Variants in ITIH1 observed in about 807,000 individuals in gnomAD.
ITIH1 encodes the protein inter-alpha-trypsin inhibitor heavy chain H1.
Under a neutral mutation model 104.6 loss-of-function variants are expected in ITIH1, and 94 were observed. The ratio of observed to expected loss-of-function variants is 0.90; its 90% confidence interval spans 0.76 to 1.07. The LOEUF (loss-of-function observed/expected upper bound fraction) is 1.07. Ranked by LOEUF, ITIH1 falls within the 50% of genes least tolerant of loss-of-function variation. The pLI is 0.00. For missense variants in ITIH1, 1,193 were observed against 1,181.4 expected, an observed-to-expected ratio of 1.01 and a Z score of -0.14; for synonymous variants, 455 against 464.4, an observed-to-expected ratio of 0.98 and a Z score of 0.26.
intron 20 of ITIH1, 39 bp from the exon 21 acceptor site, chr3:52,791,478 C>T: frequency 6.5e-7 from 1 of 1,545,266 alleles, no homozygotes; most frequent in Non-Finnish European, 8.9e-7. Context: ...GGAGCAAGTC[C>T]CCGAGATGGT....
Position 52,790,925 on chromosome 3 carries a change from C to G in ITIH1, c.2494+4C>G. 1.3e-6 allele frequency: 2 copies of G among 1,592,724 alleles called. No individual in the cohort carries two copies. The highest frequency in any genetic ancestry group is 1.7e-6 in the Non-Finnish European group (2 of 1,172,054). On this transcript the variant is annotated splice_donor_region_variant and intron_variant, in intron 20 of 21. Transcript: ENST00000273283. ...GCCCGGACGCACGGGCTGCTGGGTACGGCTGGCCAGGCTGGCAGGGCTGTG... is the reference window on the plus strand; with the variant it reads ...GCCCGGACGCACGGGCTGCTGGGTAGGGCTGGCCAGGCTGGCAGGGCTGTG...
In ITIH1 at chr3:52,779,755, G is replaced by A; in HGVS notation, c.573+161G>A. On this transcript the variant is annotated intron_variant, in intron 5 of 21. Coordinates refer to ENST00000273283, the MANE Select transcript of ITIH1 (RefSeq NM_002215.4). The surrounding 1 kb of genome is among the most constrained non-coding windows in gnomAD (Gnocchi z 4.4). ...CTCTGATGTGCTCTTCTTGGGCAGG[G>A]AACTCCCTGAATTCTCTAACTTCCT... is the stretch of plus-strand genomic sequence containing the variant. 1.9e-6 allele frequency: 2 copies of A among 1,033,560 alleles called. No individual in the cohort carries two copies. The highest frequency in any genetic ancestry group is 1.5e-5 in the South Asian group (1 of 67,350). 64.0% of individuals were successfully genotyped at this position (1,033,560 alleles called of 1,614,324 possible).
intron 6 of ITIH1, among the ~76,000 whole-genome samples, chr3:52,781,287 C>CTTCT (rs1699050619): frequency 1.4e-5 from 1 of 71,014 alleles, no homozygotes; most frequent in Non-Finnish European, 2.7e-5. Context: ...CTTCTTCTTC[C>CTTCT]TCTTCTTCTT....
At chr3:52,787,524 C>T in intron 15 of ITIH1, 68 bp from the exon 16 acceptor site, 1 of 1,583,058 alleles carries the variant, frequency 6.3e-7, no homozygotes, top group Non-Finnish European at 8.7e-7. Flanking sequence ...GTGGACAGAG[C>T]TGCATGCCTT....
At chr3:52,782,891 T>C in intron 8 of ITIH1, 66 bp from the exon 9 acceptor site, 3 of 1,488,860 alleles carry the variant, frequency 2.0e-6, no homozygotes, top group Non-Finnish European at 2.8e-6. Context: ...GTATTTGGAG[T>C]TGGAAGGTGC....
Position 52,782,829 on chromosome 3 carries a change from C to A in ITIH1, c.931-128C>A, listed in dbSNP as rs1418894899. On this transcript the variant is annotated intron_variant, in intron 8 of 21. Coordinates refer to ENST00000273283, the MANE Select transcript of ITIH1 (RefSeq NM_002215.4). ...GCAGGATGCTCCTGTCTCGGGGCCA[C>A]CTGGTTGTCCTATCTCCTCCTGCTT... is the stretch of plus-strand genomic sequence containing the variant. 3 of 916,866 alleles carry A rather than the reference C, an allele frequency of 3.3e-6. No individual in the cohort carries two copies. The African/African-American group carries it at 5.0e-5, about 15-fold the overall frequency. 56.8% of individuals were successfully genotyped at this position (916,866 alleles called of 1,614,324 possible). A position where few individuals can be genotyped will look rare whatever the true frequency, so the allele number is the denominator to read the frequency against.
intron 10 of ITIH1, among the ~76,000 whole-genome samples, chr3:52,783,633 T>C (rs1290642733): frequency 6.6e-6 from 1 of 152,204 alleles, no homozygotes; most frequent in Non-Finnish European, 1.5e-5. Flanking sequence ...TAATGAACTA[T>C]TTATTTATCA....
intron 19 of ITIH1, chr3:52,790,396 A>T (rs1699322805): frequency 3.4e-6 from 1 of 297,518 alleles, no homozygotes; most frequent in Admixed American, 5.1e-5. Flanking sequence ...GAGTCACAGA[A>T]CACGGACTCT....
rs1339554609 is a variant in ITIH1, at chr3:52,782,250, G to T, written c.913G>T (p.Gly305Cys). 1 of 1,613,962 alleles carries T rather than the reference G, an allele frequency of 6.2e-7. No individual in the cohort carries two copies. The highest frequency in any genetic ancestry group is 8.5e-7 in the Non-Finnish European group (1 of 1,179,818). ...FVIDISGSMR[G>C]QKVKQTKEAL... is the part of the protein sequence containing the mutation. ...GATTGACATCAGTGGCTCCATGAGAGGCCAGAAAGTGAAGCAGGTAGGCTG... is the reference window on the plus strand; with the variant it reads ...GATTGACATCAGTGGCTCCATGAGATGCCAGAAAGTGAAGCAGGTAGGCTG... Residue 305 changes from glycine (G) to cysteine (C), a missense_variant, in exon 8 of 22, where the codon GGC (glycine) becomes TGC (cysteine). By Grantham distance (159) the Gly-to-Cys change is radical. Coordinates refer to ENST00000273283, the MANE Select transcript of ITIH1 (RefSeq NM_002215.4).
intron 20 of ITIH1, 121 bp downstream of exon 20, chr3:52,791,042 G>T: frequency 9.8e-7 from 1 of 1,020,518 alleles, no homozygotes; most frequent in South Asian, 1.7e-5. Context: ...CTCCAGTGTG[G>T]CCTCCAAGGA....
chr3:52,782,142 C>G lies in ITIH1; in HGVS notation c.814-9C>G. On this transcript the variant is annotated splice_polypyrimidine_tract_variant and intron_variant, in intron 7 of 21. Transcript: ENST00000273283. ...TGAGAGTGGCCTCACTCGTTCTCCT[C>G]TATTTCAGGTGGCCAATAACCACTT... The G allele has an allele frequency of 6.2e-7, 1 of 1,614,136 alleles. No individual in the cohort carries two copies. The highest frequency in any genetic ancestry group is 1.1e-5 in the South Asian group (1 of 91,076).
rs771037689 is a variant in ITIH1 at position 52,782,136 on chromosome 3, T to TCTC, written c.814-11_814-9dup. 9.9e-6 allele frequency: 16 copies of TCTC among 1,613,998 alleles called. No homozygotes were observed. The highest frequency in any genetic ancestry group is 1.2e-5 in the Non-Finnish European group (14 of 1,179,990). On this transcript the variant is annotated splice_polypyrimidine_tract_variant and intron_variant, in intron 7 of 21. Coordinates refer to ENST00000273283, the MANE Select transcript of ITIH1 (RefSeq NM_002215.4). ...GTGCTGTGAGAGTGGCCTCACTCGTTCTCCTCTATTTCAGGTGGCCAATAA... is the reference window on the plus strand; with the variant it reads ...GTGCTGTGAGAGTGGCCTCACTCGTTCTCCTCCTCTATTTCAGGTGGCCAATAA...
In ITIH1 at chr3:52,790,970, G is replaced by A; in HGVS notation, c.2494+49G>A. On this transcript the variant is annotated intron_variant, in intron 20 of 21. Transcript: ENST00000273283. ...GCTGTGGGGAAGGGTGTTGAAGCCA[G>A]AGGACATGTGGGACCTGGGGCCACC... The A allele has an allele frequency of 2.6e-6, 4 of 1,547,980 alleles. No homozygotes were observed. In the South Asian group the frequency reaches 4.9e-5, roughly 19 times the overall value.
intron 3 of ITIH1, 114 bp from the exon 4 acceptor site, chr3:52,778,828 G>T: frequency 9.5e-7 from 1 of 1,053,410 alleles, no homozygotes. Context: ...ACCATGGGCA[G>T]TGGAAGGCTC....
chr3:52,779,516 G>A lies in ITIH1; in HGVS notation c.495G>A (p.Glu165=), dbSNP rs376984748. 3.7e-6 allele frequency: 6 copies of A among 1,614,078 alleles called. No homozygotes were observed. The highest frequency in any genetic ancestry group is 2.7e-5 in the African/African-American group (2 of 74,926). The part of the protein sequence containing the change: ...QSKVTFQLTY[E]EVLKRNHMQY... Reference sequence around the variant, plus strand: ...AGGTCACGTTTCAGCTGACTTATGAGGAAGTGCTGAAGAGAAACCATATGC... The same window carrying A: ...AGGTCACGTTTCAGCTGACTTATGAAGAAGTGCTGAAGAGAAACCATATGC... The change falls in exon 5 of 22, where the codon GAG becomes GAA. Residue 165 remains glutamate (E), a synonymous_variant. Transcript: ENST00000273283. The surrounding 1 kb of genome is among the most constrained non-coding windows in gnomAD (Gnocchi z 4.4).
At chr3:52,785,691 C>T (rs552407568) in intron 12 of ITIH1, among the ~76,000 whole-genome samples, 3 of 152,260 alleles carry the variant, frequency 2.0e-5, no homozygotes, top group East Asian at 1.9e-4. Context: ...TAAGTGTGGT[C>T]GAAGGTTCAG....
rs374159722 is a variant in ITIH1 at position 52,777,806 on chromosome 3, C to T, written c.117+74C>T. 4 of 1,415,798 alleles carry T rather than the reference C, an allele frequency of 2.8e-6. No homozygotes were observed. In the South Asian group the frequency reaches 3.7e-5, roughly 13 times the overall value. The allele number at this position is 1,415,798 out of a possible 1,614,324, so 87.7% of individuals were successfully genotyped here. On this transcript the variant is annotated intron_variant, in intron 1 of 21. Coordinates refer to ENST00000273283, the MANE Select transcript of ITIH1 (RefSeq NM_002215.4). ...AGGCCCCGGGCGGGACACAAGACCCCCATTCAAGGGGCCAGGGTCACCCCC... is the reference window on the plus strand; with the variant it reads ...AGGCCCCGGGCGGGACACAAGACCCTCATTCAAGGGGCCAGGGTCACCCCC...
In ITIH1 at chr3:52,777,623, G is replaced by T; in HGVS notation, c.8G>T (p.Gly3Val). ...CAGCAGGAGCCTTAGAGCATGGACG[G>T]TGCCATGGGGCCTCGGGGGCTGCTG... MD[G>V]AMGPRGLLLC... The change falls in exon 1 of 22, where the codon GGT (glycine) becomes GTT (valine). Residue 3 changes from glycine to valine, a missense_variant. Physicochemically the swap from Gly to Val is moderately radical, Grantham distance 109. Transcript: ENST00000273283. 1 of 1,583,252 alleles carries T rather than the reference G, an allele frequency of 6.3e-7. No individual in the cohort carries two copies. Among genetic ancestry groups the T allele is most frequent in the Non-Finnish European group, 8.6e-7 (1 of 1,165,764 alleles).
chr3:52,789,831 C>A lies in ITIH1; in HGVS notation c.2298C>A (p.Asp766Glu), dbSNP rs539120406. ...GTGGGCCTGTGTTTTCCTGGAGGGA[C>A]CAAGCTGTGCTGCGGCAGGACGGGT... ...GFGGPVFSWR[D>E]QAVLRQDGVV... The change falls in exon 19 of 22, where the codon GAC becomes GAA. Residue 766 changes from aspartate to glutamate, a missense_variant. Transcript: ENST00000273283. 9.9e-6 allele frequency: 16 copies of A among 1,614,234 alleles called. No homozygotes were observed. The African/African-American group carries it at 1.9e-4, about 19-fold the overall frequency.
Sources: gnomAD v4.1 joint callset for allele counts (sites outside exome capture counted in the v4.1 genomes callset) on GRCh38, gnomAD v4.1.1 for gene constraint, Gnocchi (gnomAD v3.1) non-coding constraint, MANE v1.5 for transcripts, NCBI Gene and HGNC (gene_info 2026-07-23, HGNC 2026-07-21) for gene names.